Variants in DCC observed in about 807,000 individuals in gnomAD.
DCC encodes netrin receptor DCC.
Under a neutral mutation model 172.5 loss-of-function variants are expected in DCC, and 58 were observed. The observed-to-expected ratio is 0.34, with a 90% CI of 0.27 to 0.42. The LOEUF is 0.42. Among genes scored for constraint, DCC ranks in the 10% least tolerant of loss-of-function variants. DCC has a pLI of 1.00. For missense variants in DCC, 1,740 were observed against 1,791.0 expected, an observed-to-expected ratio of 0.97 and a Z score of 0.51; for synonymous variants, 709 against 644.5, an observed-to-expected ratio of 1.10 and a Z score of -1.52.
At chr18:53,454,524 T>C (rs1353020555) in intron 23 of DCC, among the ~76,000 whole-genome samples, 1 of 152,156 alleles carries the variant, frequency 6.6e-6, no homozygotes, top group East Asian at 1.9e-4. Context: ...CTAGAACGCA[T>C]GGTTATTACA....
intron 2 of DCC, chr18:52,809,442 T>G (rs2038151769): frequency 6.2e-6 from 1 of 162,022 alleles, no homozygotes; most frequent in Non-Finnish European, 1.3e-5. Context: ...ACAGCTCTAT[T>G]AGAAGCCATG....
intron 2 of DCC, among the ~76,000 whole-genome samples, chr18:52,896,719 A>G (rs539130920): frequency 2.4e-4 from 36 of 152,304 alleles, no homozygotes; most frequent in African/African-American, 8.2e-4. Context: ...TGGCCCTATA[A>G]TTAATCAAAG....
chr18:53,192,476 C>G (rs369283758), intron 9 of DCC, among the ~76,000 whole-genome samples: 1 of 151,930 alleles, frequency 6.6e-6, no homozygotes, highest in African/African-American at 2.4e-5. Flanking sequence ...AAAAAAAGAT[C>G]AAGGTGTAAG....
intron 7 of DCC, among the ~76,000 whole-genome samples, chr18:53,113,212 A>G (rs2043359872): frequency 6.6e-6 from 1 of 151,544 alleles, no homozygotes; most frequent in African/African-American, 2.4e-5. Flanking sequence ...TGTTTTTAAA[A>G]TATTTATATG....
At position 53,293,132 on chromosome 18, in the gene DCC, G is replaced by T. The variant is rs151146427; in HGVS notation, c.1912-12446G>T. On this transcript the variant is annotated intron_variant, in intron 12 of 28. Transcript: ENST00000442544. ...TGTTGTAATACATACAATTGATGCTGCTATATAAATAATTTCTACTGTCAC... is the reference window on the plus strand; with the variant it reads ...TGTTGTAATACATACAATTGATGCTTCTATATAAATAATTTCTACTGTCAC... Among the ~76,000 whole-genome samples the T allele has an allele frequency of 3.9e-3, 591 of 152,280 alleles. 3 individuals are homozygous for T. Among genetic ancestry groups the T allele is most frequent in the African/African-American group, 0.013 (550 of 41,556 alleles).
chr18:53,313,334 G>T (rs924524223), intron 13 of DCC, among the ~76,000 whole-genome samples: 1 of 151,984 alleles, frequency 6.6e-6, no homozygotes, highest in Non-Finnish European at 1.5e-5. Context: ...CAACCTCCGC[G>T]TCTCGGGTAC....
intron 8 of DCC, among the ~76,000 whole-genome samples, chr18:53,159,729 A>C (rs1450575174): frequency 6.6e-6 from 1 of 152,024 alleles, no homozygotes; most frequent in East Asian, 1.9e-4. Context: ...AAATTTTTTC[A>C]CTCAAGTCAC....
chr18:53,366,709 C>T (rs774036696), intron 15 of DCC, among the ~76,000 whole-genome samples: 4 of 152,162 alleles, frequency 2.6e-5, no homozygotes, highest in Admixed American at 1.3e-4. Context: ...TAACAAGACA[C>T]GTAACCACCC....
intron 12 of DCC, among the ~76,000 whole-genome samples, chr18:53,234,436 A>T (rs1039490619): frequency 2.0e-5 from 3 of 151,744 alleles, no homozygotes; most frequent in Non-Finnish European, 4.4e-5. Context: ...TCAAATTAAA[A>T]AAATAAATAA....
intron 25 of DCC, among the ~76,000 whole-genome samples, chr18:53,472,452 T>A (rs2045708556): frequency 6.6e-6 from 1 of 152,198 alleles, no homozygotes; most frequent in African/African-American, 2.4e-5. Context: ...TTTTCCCCTC[T>A]AGTTGCACTC....
At chr18:52,523,546 A>G (rs1390764809) in intron 1 of DCC, among the ~76,000 whole-genome samples, 1 of 152,220 alleles carries the variant, frequency 6.6e-6, no homozygotes, top group Non-Finnish European at 1.5e-5. Flanking sequence ...TTAGAAGTTT[A>G]AATGTCTTAT....
At chr18:53,397,482 A>G in intron 18 of DCC, 36 bp downstream of exon 18, 1 of 1,612,610 alleles carries the variant, frequency 6.2e-7, no homozygotes. Flanking sequence ...ACCCTTGATA[A>G]TGGTGTTTCC....
intron 2 of DCC, among the ~76,000 whole-genome samples, chr18:52,810,140 A>G (rs2145246703): frequency 6.6e-6 from 1 of 152,370 alleles, no homozygotes; most frequent in Middle Eastern, 3.4e-3. Context: ...ATAGTTTACA[A>G]AAAGTCACCA....
At chr18:53,096,924 A>G (rs1479568225) in intron 7 of DCC, among the ~76,000 whole-genome samples, 2 of 152,214 alleles carry the variant, frequency 1.3e-5, no homozygotes, top group Non-Finnish European at 2.9e-5. Context: ...CACAAAATAC[A>G]TTCTCAAAGG....
intron 1 of DCC, among the ~76,000 whole-genome samples, chr18:52,643,609 G>C (rs1161168237): frequency 6.6e-6 from 1 of 152,118 alleles, no homozygotes; most frequent in Non-Finnish European, 1.5e-5. Flanking sequence ...GGAACTGATT[G>C]GTTATTTGGA....
intron 1 of DCC, among the ~76,000 whole-genome samples, chr18:52,526,114 G>A (rs141028581): frequency 6.6e-6 from 1 of 152,208 alleles, no homozygotes; most frequent in Non-Finnish European, 1.5e-5. Context: ...TGTAGGAAAA[G>A]CTAGGTGTGA....
chr18:52,418,502 T>G (rs1215537622), intron 1 of DCC, among the ~76,000 whole-genome samples: 1 of 152,144 alleles, frequency 6.6e-6, no homozygotes. Context: ...AAAGTAAAGT[T>G]ATGGCCAACT....
chr18:53,429,921 C>T (rs1027934846), intron 21 of DCC, among the ~76,000 whole-genome samples: 2 of 152,054 alleles, frequency 1.3e-5, no homozygotes, highest in Non-Finnish European at 2.9e-5. Context: ...AAATATCCTA[C>T]GTGTTGGTTA....
chr18:52,466,139 T>G (rs1386543224), intron 1 of DCC, among the ~76,000 whole-genome samples: 1 of 152,186 alleles, frequency 6.6e-6, no homozygotes, highest in Non-Finnish European at 1.5e-5. Flanking sequence ...AAGGCAGATG[T>G]GTGGCTTGTT....
Sources: allele counts gnomAD v4.1 joint callset (sites outside exome capture counted in the v4.1 genomes callset), GRCh38; gene constraint gnomAD v4.1.1; transcripts MANE v1.5; gene names NCBI Gene and HGNC (gene_info 2026-07-23, HGNC 2026-07-21).